The following KCNMB1 variants were observed in gnomAD, a reference collection of about 807,000 sequenced individuals.
KCNMB1 encodes calcium-activated potassium channel subunit beta-1.
In KCNMB1, 22 loss-of-function variants were observed where a neutral mutation model predicts 21.7. The ratio of observed to expected loss-of-function variants is 1.01; its 90% confidence interval spans 0.72 to 1.45. The LOEUF (loss-of-function observed/expected upper bound fraction) is 1.45. KCNMB1 is among the 40% of genes most tolerant of loss of function. The probability of loss-of-function intolerance (pLI) is 0.00; values close to 1 mark genes in which losing one functional copy is unlikely to be tolerated. For missense variants in KCNMB1, 243 were observed against 243.4 expected (o/e 1.00, Z 0.01); for synonymous variants, 114 against 107.6 (o/e 1.06, Z -0.37).
Position 170,376,664 on chromosome 5 carries a change from C to A in KCNMB1, c.*2040G>T, listed in dbSNP as rs1764018552. The A allele has an allele frequency of 6.6e-6, 1 of 152,236 alleles. No individual in the cohort carries two copies. Among genetic ancestry groups the A allele is most frequent in the East Asian group, 1.9e-4 (1 of 5,172 alleles). The allele number at this position is 152,236 out of a possible 1,614,324, so 9.4% of individuals were successfully genotyped here. A position where few individuals can be genotyped will look rare whatever the true frequency, so the allele number is the denominator to read the frequency against. ...TAGTTTGCTAAGGATAATATTTGGC[C>A]TCCAGCTCCATCCATGTCCCTGCAA... On this transcript the variant is annotated 3_prime_UTR_variant, in exon 4 of 4. Coordinates refer to ENST00000274629, the MANE Select transcript of KCNMB1 (RefSeq NM_004137.4).
At chr5:170,383,881 C>T (rs769796330) in intron 2 of KCNMB1, 31 bp from the exon 3 acceptor site, 12 of 1,608,106 alleles carry the variant, frequency 7.5e-6, no homozygotes, top group East Asian at 4.5e-5. Context: ...CACACATACA[C>T]ATCTCAGAAC....
chr5:170,379,418 G>A (rs890327911), intron 3 of KCNMB1, among the ~76,000 whole-genome samples: 2 of 152,186 alleles, frequency 1.3e-5, no homozygotes, highest in Admixed American at 6.5e-5. Flanking sequence ...ATTTGAAATC[G>A]AGATCATGTG....
In KCNMB1 at chr5:170,383,754, C is replaced by T; in HGVS notation, c.231G>A (p.Leu77=). 2 of 1,614,216 alleles carry T rather than the reference C, an allele frequency of 1.2e-6. No individual in the cohort carries two copies. The highest frequency in any genetic ancestry group is 2.2e-5 in the South Asian group (2 of 91,082). ...TGCCGGCAGCTGACACGTTGACCCACAGGCATGGGTACTGGGGCACCTTCT... is the reference window on the plus strand; with the variant it reads ...TGCCGGCAGCTGACACGTTGACCCATAGGCATGGGTACTGGGGCACCTTCT... ...KGKKVPQYPC[L]WVNVSAAGRW... is the part of the protein sequence containing the mutation. Residue 77 remains leucine (L), a synonymous_variant, in exon 3 of 4, where the codon CTG becomes CTA. Coordinates refer to ENST00000274629, the MANE Select transcript of KCNMB1 (RefSeq NM_004137.4).
chr5:170,379,575 T>C (rs575848274), intron 3 of KCNMB1, among the ~76,000 whole-genome samples: 1 of 152,262 alleles, frequency 6.6e-6, no homozygotes, highest in East Asian at 1.9e-4. Flanking sequence ...GAGAGCCAGC[T>C]GCCTCCAGAC....
rs1764114488 is a variant in KCNMB1 at position 170,378,808 on chromosome 5, G to T, written c.472C>A (p.Leu158Ile). Reference protein sequence around the residue: ...FQRLYGPQALLFSLFWPTFLL... With the variant: ...FQRLYGPQALIFSLFWPTFLL... Reference sequence around the variant, plus strand: ...AAGGTGGGCCAGAAGAGGGAGAAGAGGAGGGCCTGGGGCCCGTAGAGGCGC... The same window carrying T: ...AAGGTGGGCCAGAAGAGGGAGAAGATGAGGGCCTGGGGCCCGTAGAGGCGC... Residue 158 changes from leucine to isoleucine, a missense_variant, in exon 4 of 4, where the codon CTC becomes ATC. Transcript: ENST00000274629. 2 of 1,614,266 alleles carry T rather than the reference G, an allele frequency of 1.2e-6. No individual in the cohort carries two copies. Among genetic ancestry groups the T allele is most frequent in the Admixed American group, 3.3e-5 (2 of 60,034 alleles).
At chr5:170,382,129 G>A (rs886980041) in intron 3 of KCNMB1, among the ~76,000 whole-genome samples, 7 of 152,222 alleles carry the variant, frequency 4.6e-5, no homozygotes, top group Middle Eastern at 3.4e-3. Flanking sequence ...TGCTTGCTGC[G>A]GCCTTGGCTC....
At position 170,377,125 on chromosome 5, in the gene KCNMB1, C is replaced by T. The variant is rs1764034844; in HGVS notation, c.*1579G>A. On this transcript the variant is annotated 3_prime_UTR_variant, in exon 4 of 4. Coordinates refer to ENST00000274629, the MANE Select transcript of KCNMB1 (RefSeq NM_004137.4). ...GACACCAGCCTAACTTCACACCCAG[C>T]TCAGGACTGGCCCTGCCGAATGGTC... The T allele has an allele frequency of 6.6e-6, 1 of 152,326 alleles. No individual in the cohort carries two copies. The highest frequency in any genetic ancestry group is 2.4e-5 in the African/African-American group (1 of 41,462). The allele number at this position is 152,326 out of a possible 1,614,324, so 9.4% of individuals were successfully genotyped here.
chr5:170,385,271 T>C (rs1171549258), intron 2 of KCNMB1, 43 bp downstream of exon 2: 2 of 1,606,970 alleles, frequency 1.2e-6, no homozygotes, highest in Admixed American at 1.7e-5. Flanking sequence ...GCCAGACCCT[T>C]AGGAGAGGGT....
chr5:170,383,861 C>G lies in KCNMB1; in HGVS notation c.135-11G>C. On this transcript the variant is annotated splice_polypyrimidine_tract_variant and intron_variant, in intron 2 of 3. Transcript: ENST00000274629. Reference sequence around the variant, plus strand: ...TCCTGGGTCCACACGCTGAGGAGACCACACACATGCACACATACACATCTC... The same window carrying G: ...TCCTGGGTCCACACGCTGAGGAGACGACACACATGCACACATACACATCTC... 1 of 1,612,734 alleles carries G rather than the reference C, an allele frequency of 6.2e-7. No homozygotes were observed. The highest frequency in any genetic ancestry group is 8.5e-7 in the Non-Finnish European group (1 of 1,179,394).
Position 170,378,586 on chromosome 5 carries a change from T to C in KCNMB1, c.*118A>G, listed in dbSNP as rs1581125923. Reference sequence around the variant, plus strand: ...TCCTGCAACAGAAGACAGCGTGGATTGGACTGGAAGAGTGGGAGGGCAGGT... The same window carrying C: ...TCCTGCAACAGAAGACAGCGTGGATCGGACTGGAAGAGTGGGAGGGCAGGT... On this transcript the variant is annotated 3_prime_UTR_variant, in exon 4 of 4. Coordinates refer to ENST00000274629, the MANE Select transcript of KCNMB1 (RefSeq NM_004137.4). The C allele has an allele frequency of 1.7e-5, 18 of 1,056,532 alleles. 1 individual carries two copies. The East Asian group carries it at 4.3e-4, about 25-fold the overall frequency. The allele number at this position is 1,056,532 out of a possible 1,614,324, so 65.4% of individuals were successfully genotyped here.
intron 1 of KCNMB1, among the ~76,000 whole-genome samples, chr5:170,386,686 GT>G (rs1383099188): frequency 4.0e-4 from 58 of 143,872 alleles, no homozygotes; most frequent in Middle Eastern, 7.4e-3. Context: ...ATATTCCGGT[GT>G]TTTTTTTTTT....
At position 170,383,763 on chromosome 5, in the gene KCNMB1, G is replaced by A; in HGVS notation, c.222C>T (p.Tyr74=). 6.2e-7 allele frequency: 1 copy of A among 1,614,150 alleles called. No homozygotes were observed. The highest frequency in any genetic ancestry group is 8.5e-7 in the Non-Finnish European group (1 of 1,180,010). Residue 74 remains tyrosine (Y), a synonymous_variant, in exon 3 of 4, where the codon TAC becomes TAT. Coordinates refer to ENST00000274629, the MANE Select transcript of KCNMB1 (RefSeq NM_004137.4). ...CTGACACGTTGACCCACAGGCATGG[G>A]TACTGGGGCACCTTCTTGCCCTTCA... ...EELKGKKVPQ[Y]PCLWVNVSAA...
At chr5:170,387,976 C>T (rs989631071) in intron 1 of KCNMB1, among the ~76,000 whole-genome samples, 2 of 152,228 alleles carry the variant, frequency 1.3e-5, no homozygotes, top group African/African-American at 2.4e-5. Context: ...GGAACTGGAT[C>T]GCACCTGTGG....
chr5:170,386,066 C>G (rs1038834548), intron 1 of KCNMB1, among the ~76,000 whole-genome samples: 5 of 150,612 alleles, frequency 3.3e-5, no homozygotes, highest in Admixed American at 6.6e-5. Flanking sequence ...GCGGAGCTTG[C>G]AGTGAGCAGA....
At chr5:170,386,853 T>C (rs1212542818) in intron 1 of KCNMB1, among the ~76,000 whole-genome samples, 1 of 152,086 alleles carries the variant, frequency 6.6e-6, no homozygotes, top group Non-Finnish European at 1.5e-5. Context: ...CTCCTCTTTC[T>C]TTAGGCAGCA....
chr5:170,386,276 C>T (rs1764469398), intron 1 of KCNMB1, among the ~76,000 whole-genome samples: 1 of 152,080 alleles, frequency 6.6e-6, no homozygotes, highest in African/African-American at 2.4e-5. Flanking sequence ...GGTGATATGA[C>T]CAGGGAGACA....
intron 3 of KCNMB1, among the ~76,000 whole-genome samples, chr5:170,380,679 C>T (rs566459457): frequency 6.6e-6 from 1 of 152,340 alleles, no homozygotes; most frequent in Non-Finnish European, 1.5e-5. Context: ...ACTGCCAGGT[C>T]CTCAGTAGCA....
At chr5:170,385,543 T>C in intron 1 of KCNMB1, 72 bp from the exon 2 acceptor site, 1 of 1,374,498 alleles carries the variant, frequency 7.3e-7, no homozygotes, top group South Asian at 1.2e-5. Context: ...AGAGGACAGG[T>C]GAGAGGGGAA....
Position 170,386,683 on chromosome 5 carries a change from G to A in KCNMB1, c.-24-1212C>T, listed in dbSNP as rs906196586. Among the ~76,000 whole-genome samples the A allele has an allele frequency of 6.6e-5, 10 of 151,384 alleles. No individual in the cohort carries two copies. In the South Asian group the frequency reaches 8.3e-4, roughly 13 times the overall value. On this transcript the variant is annotated intron_variant, in intron 1 of 3. Transcript: ENST00000274629. ...AGAGGCAGGAGGTTTACCATATTCC[G>A]GTGTTTTTTTTTTTTGTAAGGAACA...
Sources: allele counts gnomAD v4.1 joint callset (sites outside exome capture counted in the v4.1 genomes callset), GRCh38; gene constraint gnomAD v4.1.1; transcripts MANE v1.5; gene names NCBI Gene and HGNC (gene_info 2026-07-23, HGNC 2026-07-21).